CFAP47: variants seen among roughly 807,000 people sequenced by gnomAD.
The protein encoded by CFAP47 is cilia- and flagella-associated protein 47.
A neutral mutation model predicts 148.1 loss-of-function variants in CFAP47; 29 were observed. The observed-to-expected ratio is 0.20, with a 90% CI of 0.15 to 0.27. CFAP47 has a LOEUF of 0.27. CFAP47 is among the 10% of genes least tolerant of loss of function. The probability of loss-of-function intolerance (pLI) is 1.00; values close to 1 mark genes in which losing one functional copy is unlikely to be tolerated. For synonymous variants in CFAP47, 664 were observed against 577.3 expected, an observed-to-expected ratio of 1.15 and a Z score of -2.15; for missense variants, 1,872 against 1,697.5, an observed-to-expected ratio of 1.10 and a Z score of -1.81.
chrX:35,971,556 T>G, intron 11 of CFAP47, 30 bp from the exon 12 acceptor site: 1 of 956,339 alleles, frequency 1.0e-6, no homozygotes, highest in Non-Finnish European at 1.4e-6. Flanking sequence ...TGACCTCAAT[T>G]ACTGATTATT....
At chrX:36,017,116 A>G (rs914043339) in intron 22 of CFAP47, among the ~76,000 whole-genome samples, 6 of 111,503 alleles carry the variant, frequency 5.4e-5, no homozygotes, top group Non-Finnish European at 1.1e-4. Context: ...AAGCTAGCAT[A>G]TGATCCAGCA....
rs782472119 is a variant in CFAP47 at position 36,330,988 on chromosome X, G to A, written c.8443+11681G>A. Among the ~76,000 whole-genome samples the A allele has an allele frequency of 3.9e-3, 437 of 111,115 alleles. 3 individuals are homozygous for A. Among genetic ancestry groups the A allele is most frequent in the Middle Eastern group, 0.014 (3 of 217 alleles). On this transcript the variant is annotated intron_variant, in intron 57 of 63. Coordinates refer to ENST00000378653, the MANE Select transcript of CFAP47 (RefSeq NM_001304548.2). ...ATCAATATATATAAATAAACACTTT[G>A]ATCCCATCGTCCAGTTACTTCTCTT...
In CFAP47 at chrX:36,371,753, CACACAT is replaced by C. The variant is rs1334501514; in HGVS notation, c.9185+4627_9185+4632del. Among the ~76,000 whole-genome samples, 23 of 45,977 alleles carry C rather than the reference CACACAT, an allele frequency of 5.0e-4. 3 individuals carry two copies. The highest frequency in any genetic ancestry group is 2.8e-3 in the African/African-American group (20 of 7,043). The allele number at this position is 45,977 out of a possible 115,157, so 39.9% of individuals were successfully genotyped here. ...ATGTGTGTATATATGTGTGTATATA[CACACAT>C]GTGTGTATATACACACATGTGTATA... On this transcript the variant is annotated intron_variant, in intron 62 of 63. Coordinates refer to ENST00000378653, the MANE Select transcript of CFAP47 (RefSeq NM_001304548.2).
At chrX:36,011,781 A>C (rs1937041153) in intron 21 of CFAP47, among the ~76,000 whole-genome samples, 1 of 111,091 alleles carries the variant, frequency 9.0e-6, no homozygotes, top group African/African-American at 3.3e-5. Context: ...GATTGCAAAA[A>C]TTTTCTCCCA....
chrX:36,256,876 A>C (rs1385939533), intron 49 of CFAP47, among the ~76,000 whole-genome samples: 1 of 111,895 alleles, frequency 8.9e-6, no homozygotes, highest in Non-Finnish European at 1.9e-5. Context: ...AACAAATGTC[A>C]TCTCCAATGA....
At chrX:36,016,701 C>CTTTT (rs1281064323) in intron 22 of CFAP47, among the ~76,000 whole-genome samples, 25 of 54,445 alleles carry the variant, frequency 4.6e-4, no homozygotes, top group East Asian at 1.4e-3. Flanking sequence ...TTATGCCAGT[C>CTTTT]TTTTTTTTTT....
intron 45 of CFAP47, among the ~76,000 whole-genome samples, chrX:36,218,204 A>G: frequency 8.9e-6 from 1 of 112,828 alleles, no homozygotes; most frequent in Non-Finnish European, 1.9e-5. Flanking sequence ...TGCAAAATAC[A>G]AAGTTAATTT....
At chrX:36,056,690 G>T (rs1055092391) in intron 26 of CFAP47, among the ~76,000 whole-genome samples, 2 of 112,480 alleles carry the variant, frequency 1.8e-5, no homozygotes, top group African/African-American at 6.5e-5. Flanking sequence ...TTAGCACTTG[G>T]TGCTTAGCTA....
intron 22 of CFAP47, among the ~76,000 whole-genome samples, chrX:36,024,023 A>C (rs1206962129): frequency 1.8e-5 from 2 of 111,870 alleles, no homozygotes; most frequent in African/African-American, 6.5e-5. Flanking sequence ...TTCTCACCCT[A>C]TAGCCACCAC....
At chrX:36,203,329 A>G (rs1940003014) in intron 44 of CFAP47, among the ~76,000 whole-genome samples, 1 of 111,659 alleles carries the variant, frequency 9.0e-6, no homozygotes, top group Non-Finnish European at 1.9e-5. Context: ...AGCCTGTCAT[A>G]ATGCCCTCCC....
At chrX:35,945,575 A>G in intron 3 of CFAP47, among the ~76,000 whole-genome samples, 1 of 111,099 alleles carries the variant, frequency 9.0e-6, no homozygotes, top group South Asian at 3.9e-4. Context: ...ACTTGGCAAA[A>G]TTTTCAACAC....
chrX:36,064,513 A>C (rs1168096632), intron 26 of CFAP47, among the ~76,000 whole-genome samples: 1 of 112,042 alleles, frequency 8.9e-6, no homozygotes, highest in Non-Finnish European at 1.9e-5. Flanking sequence ...ATTCAGTTGC[A>C]TGTAATATAT....
intron 2 of CFAP47, among the ~76,000 whole-genome samples, chrX:35,936,646 T>A (rs12392459): frequency 9.0e-6 from 1 of 111,321 alleles, no homozygotes; most frequent in Non-Finnish European, 1.9e-5. Flanking sequence ...TTTAAATCTG[T>A]TATTTTAACA....
chrX:36,321,492 ATTTAATTGTACATTT>A (rs1302501297), intron 57 of CFAP47, among the ~76,000 whole-genome samples: 43 of 111,746 alleles, frequency 3.8e-4, no homozygotes, highest in Non-Finnish European at 7.2e-4. Context: ...GTAAAAAATA[ATTTAATTGTACATTT>A]AAAAATAACT....
chrX:36,365,969 T>G (rs1941872067), intron 61 of CFAP47, among the ~76,000 whole-genome samples: 1 of 111,497 alleles, frequency 9.0e-6, no homozygotes, highest in Non-Finnish European at 1.9e-5. Flanking sequence ...TGTGTCTTTA[T>G]GATAGAATGA....
At chrX:36,099,388 T>C (rs758345143) in intron 31 of CFAP47, among the ~76,000 whole-genome samples, 81 of 109,834 alleles carry the variant, frequency 7.4e-4, no homozygotes, top group Non-Finnish European at 1.2e-3. Flanking sequence ...ATGCTTGCCA[T>C]GTGACATGAG....
chrX:35,948,394 A>G lies in CFAP47; in HGVS notation c.598A>G (p.Met200Val), dbSNP rs773449459. ...TGGTATCGTGGATGCTAAGTCATCA[A>G]TGGTTATTAAAGTAGATTTCTGTGC... Reference protein sequence around the residue: ...TSGIVDAKSSMVIKVDFCADQ... With the variant: ...TSGIVDAKSSVVIKVDFCADQ... The change falls in exon 4 of 64, where the codon ATG becomes GTG. Residue 200 changes from methionine to valine, a missense_variant. Transcript: ENST00000378653. 5.8e-6 allele frequency: 7 copies of G among 1,201,417 alleles called. No individual in the cohort carries two copies.
chrX:36,378,855 A>G (rs913971306), intron 62 of CFAP47, among the ~76,000 whole-genome samples: 22 of 107,342 alleles, frequency 2.0e-4, no homozygotes, highest in Non-Finnish European at 3.7e-4. Context: ...TCTGTCGCCC[A>G]GGCTGGAGTG....
intron 39 of CFAP47, among the ~76,000 whole-genome samples, chrX:36,164,488 G>A (rs1181251003): frequency 9.0e-6 from 1 of 111,309 alleles, no homozygotes; most frequent in Non-Finnish European, 1.9e-5. Context: ...CAACATTCTT[G>A]TGGTTGTGTG....
Sources: allele counts gnomAD v4.1 joint callset (sites outside exome capture counted in the v4.1 genomes callset), GRCh38; gene constraint gnomAD v4.1.1; transcripts MANE v1.5; gene names NCBI Gene and HGNC (gene_info 2026-07-23, HGNC 2026-07-21).